SNTG2: variants seen among roughly 807,000 people sequenced by gnomAD.
SNTG2 encodes the protein gamma-2-syntrophin.
A neutral mutation model predicts 70.9 loss-of-function variants in SNTG2; 74 were observed. The ratio of observed to expected loss-of-function variants is 1.04; its 90% confidence interval spans 0.86 to 1.27. The LOEUF (loss-of-function observed/expected upper bound fraction) is 1.27. Among genes scored for constraint, SNTG2 ranks in the 50% most tolerant of loss-of-function variants. SNTG2 has a pLI of 0.00. For missense variants in SNTG2, 717 were observed against 690.7 expected (o/e 1.04, Z -0.43); for synonymous variants, 278 against 273.8 (o/e 1.02, Z -0.15).
chr2:1,219,228 G>T (rs894544879), intron 9 of SNTG2, among the ~76,000 whole-genome samples: 4 of 152,082 alleles, frequency 2.6e-5, no homozygotes, highest in South Asian at 4.2e-4. Context: ...TTTGCCTTCC[G>T]CCATGATTGT....
rs561444096 is a variant in SNTG2, at chr2:966,176, T to G, written c.72+15108T>G. On this transcript the variant is annotated intron_variant, in intron 1 of 16. Transcript: ENST00000308624. ...CACCTCCCTTCTCTGTGCCACATTC[T>G]GTGTGGGGTCTTCAGTTACTTCTGG... Among the ~76,000 whole-genome samples, 607 of 152,378 alleles carry G rather than the reference T, an allele frequency of 4.0e-3. 8 individuals carry two copies. Among genetic ancestry groups the G allele is most frequent in the African/African-American group, 0.013 (538 of 41,602 alleles).
intron 14 of SNTG2, among the ~76,000 whole-genome samples, chr2:1,297,795 G>A (rs9326173): frequency 0.29 from 43,923 of 152,160 alleles, 6,902 homozygotes; most frequent in East Asian, 0.56. Flanking sequence ...CTCGTTCCAC[G>A]TTAGGACCAT....
intron 13 of SNTG2, among the ~76,000 whole-genome samples, chr2:1,261,018 T>C (rs897690349): frequency 2.6e-5 from 4 of 152,172 alleles, no homozygotes; most frequent in African/African-American, 9.7e-5. Context: ...AGTCAGTAAA[T>C]ATTATATGAA....
At chr2:1,266,352 G>T (rs1423495666) in intron 13 of SNTG2, among the ~76,000 whole-genome samples, 4 of 152,202 alleles carry the variant, frequency 2.6e-5, no homozygotes, top group African/African-American at 9.6e-5. Context: ...GCAGATGGGG[G>T]AAAGAAGTGG....
intron 1 of SNTG2, among the ~76,000 whole-genome samples, chr2:990,706 A>G (rs1364420507): frequency 6.6e-6 from 1 of 152,162 alleles, no homozygotes; most frequent in African/African-American, 2.4e-5. Flanking sequence ...TCTATGCATT[A>G]TCAATTTTGA....
chr2:1,273,036 C>T (rs1177914609), intron 14 of SNTG2, among the ~76,000 whole-genome samples: 1 of 152,218 alleles, frequency 6.6e-6, no homozygotes, highest in Non-Finnish European at 1.5e-5. Flanking sequence ...CGCAGTGGGT[C>T]TCCTGTTAGA....
At chr2:1,314,594 C>G (rs891408577) in intron 15 of SNTG2, among the ~76,000 whole-genome samples, 20 of 152,342 alleles carry the variant, frequency 1.3e-4, no homozygotes, top group South Asian at 8.3e-4. Flanking sequence ...CCTCAGTGCC[C>G]CAGTACTCAC....
At chr2:1,005,808 TA>T (rs1455340013) in intron 1 of SNTG2, among the ~76,000 whole-genome samples, 4 of 6,102 alleles carry the variant, frequency 6.6e-4, no homozygotes, top group Non-Finnish European at 9.0e-4. Flanking sequence ...TGCCTCAAAA[TA>T]TATATATATA....
At chr2:1,317,999 T>A (rs1354078354) in intron 16 of SNTG2, among the ~76,000 whole-genome samples, 1 of 152,250 alleles carries the variant, frequency 6.6e-6, no homozygotes, top group African/African-American at 2.4e-5. Flanking sequence ...TTACAAACTG[T>A]ATTTTGTTTG....
At chr2:1,319,490 G>A (rs913466281) in intron 16 of SNTG2, among the ~76,000 whole-genome samples, 2 of 152,280 alleles carry the variant, frequency 1.3e-5, no homozygotes, top group Middle Eastern at 3.4e-3. Context: ...TCTCAGAGCC[G>A]CCCAAGGCCC....
In SNTG2 at chr2:1,281,343, A is replaced by ATGTGGCG. The variant is rs1679522689; in HGVS notation, c.1284+13776_1284+13777insGCGTGTG. ...TTGTGTGGTGTGTGTGTGTGGTGGTATGTGTGTGCTTGTGTATTTGGTGTT... is the reference window on the plus strand; with the variant it reads ...TTGTGTGGTGTGTGTGTGTGGTGGTATGTGGCGTGTGTGTGCTTGTGTATTTGGTGTT... On this transcript the variant is annotated intron_variant, in intron 14 of 16. Transcript: ENST00000308624. Among the ~76,000 whole-genome samples, 4 of 9,780 alleles carry ATGTGGCG rather than the reference A, an allele frequency of 4.1e-4. 1 individual carries two copies. The highest frequency in any genetic ancestry group is 1.4e-3 in the Admixed American group (1 of 736). 6.4% of individuals were successfully genotyped at this position (9,780 alleles called of 152,430 possible).
chr2:978,527 T>C (rs186006230), intron 1 of SNTG2, among the ~76,000 whole-genome samples: 1 of 152,258 alleles, frequency 6.6e-6, no homozygotes, highest in Admixed American at 6.5e-5. Flanking sequence ...TTCCCTGTCT[T>C]GTTTTTAATT....
intron 16 of SNTG2, among the ~76,000 whole-genome samples, chr2:1,333,767 C>T (rs1659655191): frequency 6.6e-6 from 1 of 152,178 alleles, no homozygotes; most frequent in South Asian, 2.1e-4. Context: ...CCTCATCTCT[C>T]ACCTTATACA....
At position 1,046,146 on chromosome 2, in the gene SNTG2, C is replaced by A. The variant is rs367594959; in HGVS notation, c.73-37372C>A. Among the ~76,000 whole-genome samples the A allele has an allele frequency of 1.8e-4, 27 of 152,118 alleles. No homozygotes were observed. The East Asian group carries it at 2.3e-3, about 13-fold the overall frequency. ...AATGATCTTCTTAGAACGTTTTGAT[C>A]ATTGTTTTTTAAAGTCTGCTTTGTC... is the stretch of plus-strand genomic sequence containing the variant. On this transcript the variant is annotated intron_variant, in intron 1 of 16. Transcript: ENST00000308624.
At chr2:1,131,548 A>G (rs1233121341) in intron 4 of SNTG2, among the ~76,000 whole-genome samples, 3 of 152,128 alleles carry the variant, frequency 2.0e-5, no homozygotes, top group Non-Finnish European at 4.4e-5. Context: ...CATTTCCCTC[A>G]GTGTAAAGTT....
chr2:1,033,607 G>A (rs1172188557), intron 1 of SNTG2, among the ~76,000 whole-genome samples: 2 of 152,198 alleles, frequency 1.3e-5, no homozygotes, highest in Non-Finnish European at 2.9e-5. Context: ...ATCACTGCTA[G>A]CCTTTGATCA....
At chr2:1,068,159 G>C (rs910545318) in intron 1 of SNTG2, 1 of 152,268 alleles carries the variant, frequency 6.6e-6, no homozygotes, top group East Asian at 1.9e-4. Context: ...CAGGCACCAG[G>C]TATGAAGTAG....
At chr2:1,211,228 G>A (rs1193583641) in intron 9 of SNTG2, among the ~76,000 whole-genome samples, 1 of 152,214 alleles carries the variant, frequency 6.6e-6, no homozygotes, top group Admixed American at 6.5e-5. Flanking sequence ...TGGGAACAAA[G>A]TAGAGATCTG....
chr2:1,277,239 A>G (rs1044704582), intron 14 of SNTG2, among the ~76,000 whole-genome samples: 3 of 152,236 alleles, frequency 2.0e-5, no homozygotes, highest in Non-Finnish European at 2.9e-5. Flanking sequence ...ACAGCATCAC[A>G]TGCTACAGAG....
Sources: allele counts gnomAD v4.1 joint callset (sites outside exome capture counted in the v4.1 genomes callset), GRCh38; gene constraint gnomAD v4.1.1; transcripts MANE v1.5; gene names NCBI Gene and HGNC (gene_info 2026-07-23, HGNC 2026-07-21).